PALS1: variants seen among roughly 807,000 people sequenced by gnomAD.
PALS1 encodes protein associated with LIN7 1, MAGUK p55 family member.
In PALS1, 31 loss-of-function variants were observed where a neutral mutation model predicts 78.9. That is an observed-to-expected ratio of 0.39 (90% confidence interval 0.30 to 0.53). PALS1 has a LOEUF of 0.53. PALS1 is among the 20% of genes least tolerant of loss of function. The pLI, the probability that PALS1 is intolerant of heterozygous loss-of-function variation, is 0.67. For synonymous variants in PALS1, 276 were observed against 270.9 expected (o/e 1.02, Z -0.18); for missense variants, 704 against 826.5 (o/e 0.85, Z 1.82).
intron 13 of PALS1, among the ~76,000 whole-genome samples, chr14:67,322,108 C>T (rs1003422022): frequency 1.2e-4 from 19 of 152,014 alleles, no homozygotes; most frequent in South Asian, 2.1e-4. Flanking sequence ...AATTTTAGGA[C>T]GCCAATGTGG....
intron 8 of PALS1, among the ~76,000 whole-genome samples, chr14:67,305,249 C>T (rs1436576096): frequency 6.6e-6 from 1 of 151,926 alleles, no homozygotes; most frequent in Non-Finnish European, 1.5e-5. Context: ...GAGTAAATGA[C>T]TTTTGTCTTT....
At chr14:67,328,817 G>A (rs188460779) in intron 14 of PALS1, among the ~76,000 whole-genome samples, 1,812 of 152,290 alleles carry the variant, frequency 0.012, 19 homozygotes, top group Non-Finnish European at 0.018. Context: ...TGAGGGCTCT[G>A]TTCTGTTCCA....
chr14:67,268,979 T>G (rs1243758661), intron 1 of PALS1, among the ~76,000 whole-genome samples: 1 of 152,186 alleles, frequency 6.6e-6, no homozygotes, highest in African/African-American at 2.4e-5. Flanking sequence ...CCACAATTAA[T>G]TTGCATCATT....
At chr14:67,258,479 G>A (rs566843545) in intron 1 of PALS1, among the ~76,000 whole-genome samples, 106 of 152,260 alleles carry the variant, frequency 7.0e-4, no homozygotes, top group African/African-American at 2.3e-3. Context: ...GGAGGGTCGT[G>A]GTGTGATCAC....
chr14:67,286,100 C>T (rs944705395), intron 3 of PALS1, among the ~76,000 whole-genome samples: 15 of 152,196 alleles, frequency 9.9e-5, no homozygotes, highest in Non-Finnish European at 2.1e-4. Context: ...TAAAGAAATT[C>T]CTTGTAGGAA....
Position 67,312,600 on chromosome 14 carries a change from C to G in PALS1, c.1115C>G (p.Ser372Cys), listed in dbSNP as rs1289562378. The G allele has an allele frequency of 6.2e-6, 10 of 1,613,568 alleles. No homozygotes were observed. In the Admixed American group the frequency reaches 1.7e-4, roughly 27 times the overall value. ...GTTCCATGTCGAGAGTTAGGTCTGT[C>G]TTTTCAAAAAGGTGATATACTTCAT... The part of the protein sequence containing the change: ...PYVPCRELGL[S>C]FQKGDILHVI... The change falls in exon 9 of 15, where the codon TCT becomes TGT. Residue 372 changes from serine to cysteine, a missense_variant. Transcript: ENST00000261681.
intron 1 of PALS1, among the ~76,000 whole-genome samples, chr14:67,256,107 G>A (rs1407782931): frequency 3.3e-5 from 5 of 152,052 alleles, no homozygotes; most frequent in Non-Finnish European, 7.4e-5. Context: ...TTTTTTGTGT[G>A]AATATTTTGT....
chr14:67,328,741 T>C (rs1411024944), intron 14 of PALS1, among the ~76,000 whole-genome samples: 2 of 152,228 alleles, frequency 1.3e-5, no homozygotes, highest in Non-Finnish European at 2.9e-5. Flanking sequence ...GGGCATCCTT[T>C]CCCCATTTCT....
chr14:67,265,764 T>G (rs2084312822), intron 1 of PALS1, among the ~76,000 whole-genome samples: 1 of 147,260 alleles, frequency 6.8e-6, no homozygotes, highest in African/African-American at 2.5e-5. Flanking sequence ...GGCTGAGGCA[T>G]GAGAATCACT....
chr14:67,284,646 C>G (rs1032961886), intron 3 of PALS1, among the ~76,000 whole-genome samples: 2 of 148,630 alleles, frequency 1.3e-5, no homozygotes, highest in Non-Finnish European at 3.0e-5. Flanking sequence ...AATGGTCACT[C>G]CCTATTCTGT....
chr14:67,273,154 A>G (rs182522785), intron 2 of PALS1, among the ~76,000 whole-genome samples: 2 of 149,860 alleles, frequency 1.3e-5, no homozygotes, highest in Admixed American at 6.7e-5. Context: ...TCTAGGGTAC[A>G]TGTGCACAAC....
intron 8 of PALS1, among the ~76,000 whole-genome samples, chr14:67,308,486 G>A (rs1343744129): frequency 6.6e-6 from 1 of 151,166 alleles, no homozygotes; most frequent in Non-Finnish European, 1.5e-5. Flanking sequence ...TGTCCATTGA[G>A]CAAGTGGAAT....
intron 14 of PALS1, among the ~76,000 whole-genome samples, chr14:67,328,275 GTCT>G (rs1323646261): frequency 1.3e-5 from 2 of 152,314 alleles, no homozygotes; most frequent in Non-Finnish European, 2.9e-5. Flanking sequence ...CTGCATGAAT[GTCT>G]TCTTTTGAGA....
intron 1 of PALS1, among the ~76,000 whole-genome samples, chr14:67,246,368 A>G (rs529726703): frequency 1.3e-5 from 2 of 152,070 alleles, no homozygotes; most frequent in East Asian, 3.9e-4. Context: ...TTTTTGAGAC[A>G]GGGTCTCACT....
At chr14:67,276,578 T>C (rs2140650032) in intron 2 of PALS1, among the ~76,000 whole-genome samples, 1 of 152,316 alleles carries the variant, frequency 6.6e-6, no homozygotes, top group Non-Finnish European at 1.5e-5. Context: ...GCACTGGAGC[T>C]ATAAAAGTAA....
At chr14:67,331,138 G>GAA (rs2085443701) in intron 14 of PALS1, among the ~76,000 whole-genome samples, 1 of 152,092 alleles carries the variant, frequency 6.6e-6, no homozygotes, top group Non-Finnish European at 1.5e-5. Flanking sequence ...TCTGCTTCCT[G>GAA]GGTTTAAGTG....
chr14:67,255,300 AATTAGG>A, intron 1 of PALS1, among the ~76,000 whole-genome samples: 1 of 152,322 alleles, frequency 6.6e-6, no homozygotes, highest in Non-Finnish European at 1.5e-5. Context: ...TGAGTTTGGT[AATTAGG>A]ATTCTTTGAG....
intron 11 of PALS1, among the ~76,000 whole-genome samples, chr14:67,317,687 A>C (rs2085198740): frequency 6.6e-6 from 1 of 152,180 alleles, no homozygotes; most frequent in South Asian, 2.1e-4. Flanking sequence ...TGTAGTATTA[A>C]ATTGACAGTT....
chr14:67,332,936 C>G lies in PALS1; in HGVS notation c.2008C>G (p.Pro670Ala). Residue 670 changes from proline (P) to alanine (A), a missense_variant, in exon 15 of 15, where the codon CCA (proline) becomes GCA (alanine). Coordinates refer to ENST00000261681, the MANE Select transcript of PALS1 (RefSeq NM_022474.4). ...NKLDTEPQWV[P>A]STWLR Reference sequence around the variant, plus strand: ...ACTTGATACTGAACCTCAGTGGGTACCATCCACTTGGCTGAGGTGAAAGAA... The same window carrying G: ...ACTTGATACTGAACCTCAGTGGGTAGCATCCACTTGGCTGAGGTGAAAGAA... 6.2e-7 allele frequency: 1 copy of G among 1,608,806 alleles called. No homozygotes were observed. Among genetic ancestry groups the G allele is most frequent in the South Asian group, 1.1e-5 (1 of 90,770 alleles).
Sources: allele counts gnomAD v4.1 joint callset (sites outside exome capture counted in the v4.1 genomes callset), GRCh38; gene constraint gnomAD v4.1.1; transcripts MANE v1.5; gene names NCBI Gene and HGNC (gene_info 2026-07-23, HGNC 2026-07-21).